CBFB: variants seen among roughly 807,000 people sequenced by gnomAD.
CBFB encodes the protein core-binding factor subunit beta, also known as CBF-beta.
In CBFB, 9 loss-of-function variants were observed where a neutral mutation model predicts 30.4. That is an observed-to-expected ratio of 0.30 (90% CI 0.18 to 0.52). The LOEUF is 0.52. Among genes scored for constraint, CBFB ranks in the 20% least tolerant of loss-of-function variants. The pLI, the probability that CBFB is intolerant of heterozygous loss-of-function variation, is 0.97. For missense variants in CBFB, 170 were observed against 244.0 expected (o/e 0.70, Z 2.02); for synonymous variants, 94 against 84.0 (o/e 1.12, Z -0.65).
At chr16:67,038,969 T>G (rs1193085799) in intron 3 of CBFB, among the ~76,000 whole-genome samples, 2 of 152,322 alleles carry the variant, frequency 1.3e-5, no homozygotes, top group Non-Finnish European at 2.9e-5. Flanking sequence ...CACATAATCC[T>G]TGGACTTAAA....
At chr16:67,053,856 T>G (rs1463657252) in intron 3 of CBFB, among the ~76,000 whole-genome samples, 1 of 151,864 alleles carries the variant, frequency 6.6e-6, no homozygotes. Flanking sequence ...TTTTTTTTTT[T>G]TTTAATTTCT....
rs542543785 is a variant in CBFB, at chr16:67,049,220, A to G, written c.282+12465A>G. Among the ~76,000 whole-genome samples, 221 of 150,850 alleles carry G rather than the reference A, an allele frequency of 1.5e-3. 1 individual carries two copies. Among genetic ancestry groups the G allele is most frequent in the African/African-American group, 5.1e-3 (211 of 41,066 alleles). The stretch of plus-strand genomic sequence containing the variant: ...TTATTTATTTTTTATTTATTTACTT[A>G]TTTTGAGACAGAGTCTCTTGTCTGC... On this transcript the variant is annotated intron_variant, in intron 3 of 5. Coordinates refer to ENST00000412916, the MANE Select transcript of CBFB (RefSeq NM_022845.3).
chr16:67,067,746 A>C (rs769326294), intron 4 of CBFB, among the ~76,000 whole-genome samples: 1 of 152,174 alleles, frequency 6.6e-6, no homozygotes, highest in Non-Finnish European at 1.5e-5. Flanking sequence ...CTTGGGAAAA[A>C]AAAAATCCAT....
chr16:67,063,418 G>A (rs1470403022), intron 3 of CBFB, among the ~76,000 whole-genome samples: 1 of 152,086 alleles, frequency 6.6e-6, no homozygotes, highest in Non-Finnish European at 1.5e-5. Flanking sequence ...ACACAAATAT[G>A]TACCAGGAAA....
At chr16:67,085,516 A>C (rs1597158069) in intron 5 of CBFB, among the ~76,000 whole-genome samples, 1 of 88,954 alleles carries the variant, frequency 1.1e-5, no homozygotes, top group Non-Finnish European at 2.2e-5. Context: ...GTGGGGGGAG[A>C]TGGGGTCTCA....
intron 4 of CBFB, among the ~76,000 whole-genome samples, chr16:67,081,581 C>G (rs756491811): frequency 6.6e-6 from 1 of 152,008 alleles, no homozygotes; most frequent in Non-Finnish European, 1.5e-5. Flanking sequence ...ACGGGAGGAT[C>G]TCTTGAGGCC....
chr16:67,081,924 C>A (rs1446261014), intron 4 of CBFB, among the ~76,000 whole-genome samples: 1 of 149,926 alleles, frequency 6.7e-6, no homozygotes, highest in African/African-American at 2.5e-5. Context: ...GGGTTTTAAG[C>A]TATTCTGCCT....
intron 3 of CBFB, among the ~76,000 whole-genome samples, chr16:67,045,894 C>T (rs1966619712): frequency 6.6e-6 from 1 of 150,852 alleles, no homozygotes; most frequent in Admixed American, 6.6e-5. Flanking sequence ...CTCCCAGGTT[C>T]AAGCGATTCT....
intron 3 of CBFB, among the ~76,000 whole-genome samples, chr16:67,053,802 A>G (rs1439542521): frequency 1.4e-5 from 2 of 147,914 alleles, no homozygotes; most frequent in African/African-American, 5.0e-5. Flanking sequence ...CTGCTCTGGT[A>G]TTTTCTGCTT....
intron 3 of CBFB, among the ~76,000 whole-genome samples, chr16:67,051,355 C>A (rs1567609791): frequency 6.6e-6 from 1 of 151,934 alleles, no homozygotes; most frequent in Admixed American, 6.6e-5. Context: ...GATTTTGAAA[C>A]CTGGTATGAA....
intron 4 of CBFB, 96 bp downstream of exon 4, chr16:67,066,894 A>G (rs1185582303): frequency 3.0e-6 from 2 of 667,394 alleles, no homozygotes; most frequent in Non-Finnish European, 5.5e-6. Flanking sequence ...AAGAGTAAGT[A>G]TAGAAAGTAT....
intron 2 of CBFB, 107 bp downstream of exon 2, chr16:67,029,920 G>C (rs1011183589): frequency 6.2e-5 from 40 of 640,246 alleles, no homozygotes; most frequent in Non-Finnish European, 9.0e-5. Flanking sequence ...CCGGAACTGA[G>C]TGGGCGCCGT....
chr16:67,049,012 G>A (rs1966688073), intron 3 of CBFB, among the ~76,000 whole-genome samples: 1 of 150,982 alleles, frequency 6.6e-6, no homozygotes, highest in Admixed American at 6.6e-5. Context: ...GTAGAGACAG[G>A]GTTTCTCCAT....
intron 3 of CBFB, among the ~76,000 whole-genome samples, chr16:67,054,838 C>T (rs571931256): frequency 5.9e-5 from 9 of 152,070 alleles, no homozygotes; most frequent in Admixed American, 2.6e-4. Flanking sequence ...CTGCAAGCTC[C>T]GCCTCCCGGG....
At chr16:67,049,138 A>G (rs1966691036) in intron 3 of CBFB, among the ~76,000 whole-genome samples, 1 of 148,556 alleles carries the variant, frequency 6.7e-6, no homozygotes, top group African/African-American at 2.5e-5. Context: ...GGTTTTTAAT[A>G]TATTCACAAC....
intron 5 of CBFB, among the ~76,000 whole-genome samples, chr16:67,098,026 G>A (rs897884363): frequency 1.4e-4 from 22 of 152,204 alleles, no homozygotes; most frequent in African/African-American, 5.1e-4. Context: ...TTACTAAAAG[G>A]AAGAGTTTGC....
intron 3 of CBFB, among the ~76,000 whole-genome samples, chr16:67,063,959 A>G (rs1046551437): frequency 1.3e-5 from 2 of 152,212 alleles, no homozygotes; most frequent in African/African-American, 4.8e-5. Context: ...TAAACAGGTA[A>G]TAAATAATGC....
At chr16:67,070,090 A>G (rs1011188274) in intron 4 of CBFB, among the ~76,000 whole-genome samples, 16 of 152,314 alleles carry the variant, frequency 1.1e-4, no homozygotes, top group Non-Finnish European at 1.8e-4. Context: ...AAATAATAAC[A>G]GGAACATAAA....
In CBFB at chr16:67,078,519, C is replaced by G. The variant is rs539580639; in HGVS notation, c.400-3694C>G. On this transcript the variant is annotated intron_variant, in intron 4 of 5. Coordinates refer to ENST00000412916, the MANE Select transcript of CBFB (RefSeq NM_022845.3). ...TATAATCACACCACTGCACTCCAGC[C>G]TGGGCTTGAGAGCGAGACCCCTTCT... 5.9e-5 allele frequency among the ~76,000 whole-genome samples: 9 copies of G among 152,270 alleles called. No individual in the cohort carries two copies. The South Asian group carries it at 1.2e-3, about 21-fold the overall frequency.
Sources: allele counts gnomAD v4.1 joint callset (sites outside exome capture counted in the v4.1 genomes callset), GRCh38; gene constraint gnomAD v4.1.1; transcripts MANE v1.5; gene names NCBI Gene and HGNC (gene_info 2026-07-23, HGNC 2026-07-21).